KCNK17: variants seen among roughly 807,000 people sequenced by gnomAD.
The protein encoded by KCNK17 is potassium two pore domain channel subfamily K member 17.
Under a neutral mutation model 24.6 loss-of-function variants are expected in KCNK17, and 27 were observed. The observed-to-expected ratio is 1.10, with a 90% CI of 0.81 to 1.51. The LOEUF is 1.51. KCNK17 is among the 40% of genes most tolerant of loss of function. The probability of loss-of-function intolerance (pLI) is 0.00; values close to 1 mark genes in which losing one functional copy is unlikely to be tolerated. For synonymous variants in KCNK17, 181 were observed against 189.8 expected (o/e 0.95, Z 0.38); for missense variants, 450 against 436.6 (o/e 1.03, Z -0.27).
Position 39,300,441 on chromosome 6 carries a change from C to T in KCNK17, c.689-704G>A, listed in dbSNP as rs771033648. 17 of 1,524,234 alleles carry T rather than the reference C, an allele frequency of 1.1e-5. No homozygotes were observed. In the South Asian group the frequency reaches 1.6e-4, roughly 14 times the overall value. The allele number at this position is 1,524,234 out of a possible 1,614,324, so 94.4% of individuals were successfully genotyped here. ...GCCCGGCCAGAAATCTGTATTTTAA[C>T]AAGCCCCCAGAGGATTTCGATGTCC... On this transcript the variant is annotated intron_variant, in intron 4 of 4. Coordinates refer to ENST00000373231, the MANE Select transcript of KCNK17 (RefSeq NM_031460.4).
At position 39,299,438 on chromosome 6, in the gene KCNK17, T is replaced by C; in HGVS notation, c.988A>G (p.Lys330Glu). ...AGAATGGAGTATAACTAGCTGTCCTTGCCACAGCCTGCAGCGTGAGCAGAA... is the reference window on the plus strand; with the variant it reads ...AGAATGGAGTATAACTAGCTGTCCTCGCCACAGCCTGCAGCGTGAGCAGAA... ...EPSAHAAGCGKDS is the reference protein window; with the variant it reads ...EPSAHAAGCGEDS The change falls in exon 5 of 5, where the codon AAG (lysine) becomes GAG (glutamate). Residue 330 changes from lysine (K) to glutamate (E), a missense_variant. Lys to Glu is a moderately conservative substitution (Grantham distance 56). Transcript: ENST00000373231. The C allele has an allele frequency of 6.2e-7, 1 of 1,612,808 alleles. No individual in the cohort carries two copies.
chr6:39,314,256 G>C lies in KCNK17; in HGVS notation c.65C>G (p.Thr22Ser). ...CAGGTAGGCGAGCAGCAGGAGCACG[G>C]TGCTGGGCACCGCGCAGCCCCGGAC... ...GRVRGCAVPS[T>S]VLLLLAYLAY... Residue 22 changes from threonine (T) to serine (S), a missense_variant, in exon 1 of 5, where the codon ACC (threonine) becomes AGC (serine). Transcript: ENST00000373231. 6.5e-7 allele frequency: 1 copy of C among 1,532,662 alleles called. No homozygotes were observed. Among genetic ancestry groups the C allele is most frequent in the African/African-American group, 1.4e-5 (1 of 72,500 alleles). 94.9% of individuals were successfully genotyped at this position (1,532,662 alleles called of 1,614,324 possible).
chr6:39,304,111 C>T lies in KCNK17; in HGVS notation c.534G>A (p.Trp178Ter). Residue 178 changes from tryptophan (W) to a stop codon, truncating the protein, a stop_gained, in exon 4 of 5, where the codon TGG becomes TGA. Transcript: ENST00000373231. LOFTEE classifies it high-confidence loss of function. The stretch of plus-strand genomic sequence containing the variant: ...AGAGGAGGGCGCCAGAGCCCGCCAG[C>T]CACCGCGCCTTGTCAGGATCCTGTG... Reference protein sequence around the residue: ...GTWQDPDKARWLAGSGALLSG... With the variant: ...GTWQDPDKAR The T allele has an allele frequency of 6.2e-7, 1 of 1,609,900 alleles. No individual in the cohort carries two copies. Among genetic ancestry groups the T allele is most frequent in the Non-Finnish European group, 8.5e-7 (1 of 1,179,940 alleles).
At chr6:39,313,249 G>T (rs999068894) in intron 1 of KCNK17, among the ~76,000 whole-genome samples, 1 of 152,196 alleles carries the variant, frequency 6.6e-6, no homozygotes, top group African/African-American at 2.4e-5. Flanking sequence ...GCCCTGCTAG[G>T]CCCCACCCTT....
At chr6:39,308,074 C>A (rs1005268735) in intron 2 of KCNK17, among the ~76,000 whole-genome samples, 1 of 152,178 alleles carries the variant, frequency 6.6e-6, no homozygotes, top group Non-Finnish European at 1.5e-5. Flanking sequence ...CACTATGAGA[C>A]CCCTTTAACT....
chr6:39,308,899 GGT>G (rs1762082042), intron 2 of KCNK17, among the ~76,000 whole-genome samples: 1 of 152,190 alleles, frequency 6.6e-6, no homozygotes, highest in South Asian at 2.1e-4. Context: ...AGTGCATACA[GGT>G]GTGGTCAGCA....
chr6:39,300,550 A>G lies in KCNK17; in HGVS notation c.689-813T>C, dbSNP rs150824165. The G allele has an allele frequency of 1.0e-3, 1,547 of 1,549,404 alleles. 7 individuals are homozygous for G. The highest frequency in any genetic ancestry group is 5.4e-3 in the Middle Eastern group (32 of 5,980). ...TGGAGCCAGGGGATTTGGGATGAAC[A>G]ATGGAACCATAAGAATATGTATCCT... On this transcript the variant is annotated intron_variant, in intron 4 of 4. Coordinates refer to ENST00000373231, the MANE Select transcript of KCNK17 (RefSeq NM_031460.4).
chr6:39,308,754 C>A (rs1372174257), intron 2 of KCNK17, among the ~76,000 whole-genome samples: 2 of 152,200 alleles, frequency 1.3e-5, no homozygotes, highest in African/African-American at 4.8e-5. Flanking sequence ...GGTGCTGGTC[C>A]CAGGGTAATG....
intron 4 of KCNK17, among the ~76,000 whole-genome samples, chr6:39,303,321 G>A (rs968891286): frequency 1.3e-5 from 2 of 152,166 alleles, no homozygotes; most frequent in South Asian, 2.1e-4. Context: ...CTGAGCTGGG[G>A]CGCAGCCACT....
At position 39,303,858 on chromosome 6, in the gene KCNK17, A is replaced by G. The variant is rs570616753; in HGVS notation, c.688+99T>C. ...GGATTTTGGGCCCAAAAGCCCCCAC[A>G]TGGCGTGCACACAGCAGGTGCGCCA... On this transcript the variant is annotated intron_variant, in intron 4 of 4. Coordinates refer to ENST00000373231, the MANE Select transcript of KCNK17 (RefSeq NM_031460.4). 1.3e-5 allele frequency: 17 copies of G among 1,354,560 alleles called. No individual in the cohort carries two copies. In the East Asian group the frequency reaches 3.0e-4, roughly 24 times the overall value. The allele number at this position is 1,354,560 out of a possible 1,614,324, so 83.9% of individuals were successfully genotyped here.
In KCNK17 at chr6:39,313,718, G is replaced by C. The variant is rs188350028; in HGVS notation, c.237+366C>G. Among the ~76,000 whole-genome samples, 453 of 146,652 alleles carry C rather than the reference G, an allele frequency of 3.1e-3. 2 individuals are homozygous for C. Among genetic ancestry groups the C allele is most frequent in the African/African-American group, 0.011 (421 of 38,754 alleles). ...CTCAAACGCGCCCTTTCCCGGGTCA[G>C]GCCGGGCGGGGCCGGTTACGCGCGC... is the stretch of plus-strand genomic sequence containing the variant. On this transcript the variant is annotated intron_variant, in intron 1 of 4. Coordinates refer to ENST00000373231, the MANE Select transcript of KCNK17 (RefSeq NM_031460.4).
At chr6:39,311,952 G>A (rs2113841695) in intron 1 of KCNK17, among the ~76,000 whole-genome samples, 1 of 145,832 alleles carries the variant, frequency 6.9e-6, no homozygotes, top group East Asian at 2.0e-4. Context: ...AGGTCACTGA[G>A]CAAAGGGGAA....
At chr6:39,312,122 C>T (rs535095965) in intron 1 of KCNK17, among the ~76,000 whole-genome samples, 1 of 152,290 alleles carries the variant, frequency 6.6e-6, no homozygotes, top group African/African-American at 2.4e-5. Context: ...AAGCCCAGGC[C>T]TCTGGCCCTA....
In KCNK17 at chr6:39,303,338, C is replaced by T. The variant is rs199870828; in HGVS notation, c.688+619G>A. On this transcript the variant is annotated intron_variant, in intron 4 of 4. Transcript: ENST00000373231. ...GAGCTGGGGCGCAGCCACTCCGCCA[C>T]GGCACAGAATGTCCCTCCACTGCCA... 1.6e-4 allele frequency among the ~76,000 whole-genome samples: 25 copies of T among 152,276 alleles called. No individual in the cohort carries two copies. In the East Asian group the frequency reaches 3.3e-3, roughly 20 times the overall value.
chr6:39,312,852 TG>T (rs1036503451), intron 1 of KCNK17, among the ~76,000 whole-genome samples: 2 of 152,110 alleles, frequency 1.3e-5, no homozygotes, highest in Non-Finnish European at 2.9e-5. Context: ...AGTCCGCAGG[TG>T]GGGAGCTGGA....
chr6:39,304,662 T>C lies in KCNK17; in HGVS notation c.353-7A>G, dbSNP rs950474008. The C allele has an allele frequency of 7.5e-6, 12 of 1,605,914 alleles. No individual in the cohort carries two copies. Among genetic ancestry groups the C allele is most frequent in the Non-Finnish European group, 1.0e-5 (12 of 1,173,160 alleles). ...GGGCTCAGGTTGCCATAGCCTGAGG[T>C]GAGAGGGGGCACTCAGGGGACATTT... On this transcript the variant is annotated splice_polypyrimidine_tract_variant and splice_region_variant and intron_variant, in intron 2 of 4. Coordinates refer to ENST00000373231, the MANE Select transcript of KCNK17 (RefSeq NM_031460.4).
At chr6:39,304,778 C>T in intron 2 of KCNK17, 123 bp from the exon 3 acceptor site, 1 of 1,025,742 alleles carries the variant, frequency 9.7e-7, no homozygotes, top group Non-Finnish European at 1.5e-6. Flanking sequence ...ATGTGGGCAG[C>T]TGATACTTAC....
chr6:39,307,662 G>A lies in KCNK17; in HGVS notation c.353-3007C>T, dbSNP rs1583769297. 2.0e-5 allele frequency among the ~76,000 whole-genome samples: 3 copies of A among 152,066 alleles called. No individual in the cohort carries two copies. The East Asian group carries it at 5.8e-4, about 29-fold the overall frequency. On this transcript the variant is annotated intron_variant, in intron 2 of 4. Transcript: ENST00000373231. Reference sequence around the variant, plus strand: ...CCCACTATTCTCAGCCATCCCTCAGGTCAGCAAAAGGATGTCACCTACCTG... The same window carrying A: ...CCCACTATTCTCAGCCATCCCTCAGATCAGCAAAAGGATGTCACCTACCTG...
At chr6:39,310,729 T>C (rs116276161) in intron 2 of KCNK17, among the ~76,000 whole-genome samples, 164 bp downstream of exon 2, 2,523 of 152,212 alleles carry the variant, frequency 0.017, 58 homozygotes, top group African/African-American at 0.049. Context: ...AGGTCTGTAG[T>C]GAGGCCCGAG....
Sources: gnomAD v4.1 joint callset for allele counts (sites outside exome capture counted in the v4.1 genomes callset) on GRCh38, gnomAD v4.1.1 for gene constraint, MANE v1.5 for transcripts, NCBI Gene and HGNC (gene_info 2026-07-23, HGNC 2026-07-21) for gene names.